Variants in TRAM2 observed in about 807,000 individuals in gnomAD.
The protein encoded by TRAM2 is translocation associated membrane protein 2, also known as translocating chain-associated membrane protein 2.
A neutral mutation model predicts 51.0 loss-of-function variants in TRAM2; 12 were observed. That is an observed-to-expected ratio of 0.24 (90% confidence interval 0.15 to 0.38). TRAM2 has a LOEUF of 0.38. Ranked by LOEUF, TRAM2 falls within the 10% of genes least tolerant of loss-of-function variation. TRAM2 has a pLI of 1.00. For synonymous variants in TRAM2, 175 were observed against 179.4 expected (o/e 0.98, Z 0.20); for missense variants, 361 against 462.0 (o/e 0.78, Z 2.00).
At chr6:52,521,589 C>T (rs1302845108) in intron 2 of TRAM2, among the ~76,000 whole-genome samples, 2 of 151,580 alleles carry the variant, frequency 1.3e-5, no homozygotes. Flanking sequence ...CCCAGCTACT[C>T]GGGAGGCTGA....
At chr6:52,576,381 G>A (rs1244009983) in intron 1 of TRAM2, among the ~76,000 whole-genome samples, 1 of 152,206 alleles carries the variant, frequency 6.6e-6, no homozygotes, top group East Asian at 1.9e-4. Context: ...AAGAGCTAGT[G>A]GCCACCCCTT....
chr6:52,513,686 G>T (rs954581155), intron 4 of TRAM2, among the ~76,000 whole-genome samples: 2 of 152,170 alleles, frequency 1.3e-5, no homozygotes, highest in African/African-American at 2.4e-5. Context: ...AAGTGGGGGT[G>T]TGGCCAGTGA....
intron 2 of TRAM2, among the ~76,000 whole-genome samples, chr6:52,526,637 C>A (rs1159455519): frequency 6.6e-6 from 1 of 152,214 alleles, no homozygotes; most frequent in Non-Finnish European, 1.5e-5. Flanking sequence ...GATCTGCTCA[C>A]CTCGGCCTCC....
rs1277032863 is a variant in TRAM2 at position 52,499,711 on chromosome 6, G to A, written c.*3486C>T. ...GTCCCAGGGTTTCCGGTCAAGAGAA[G>A]GATCTGTGAACGTGGCCAGGGCAGA... On this transcript the variant is annotated 3_prime_UTR_variant, in exon 11 of 11. Coordinates refer to ENST00000182527, the MANE Select transcript of TRAM2 (RefSeq NM_012288.4). The A allele has an allele frequency of 1.3e-5, 2 of 152,254 alleles. No individual in the cohort carries two copies. The highest frequency in any genetic ancestry group is 3.8e-4 in the East Asian group (2 of 5,196). The allele number at this position is 152,254 out of a possible 1,614,324, so 9.4% of individuals were successfully genotyped here. A position where few individuals can be genotyped will look rare whatever the true frequency, so the allele number is the denominator to read the frequency against.
chr6:52,511,206 C>T (rs930431746), intron 4 of TRAM2, among the ~76,000 whole-genome samples: 1 of 152,172 alleles, frequency 6.6e-6, no homozygotes, highest in East Asian at 1.9e-4. Flanking sequence ...CAGGTTCAAG[C>T]GATTCTCCCG....
At chr6:52,525,374 T>C (rs1464119033) in intron 2 of TRAM2, among the ~76,000 whole-genome samples, 1 of 152,266 alleles carries the variant, frequency 6.6e-6, no homozygotes, top group East Asian at 1.9e-4. Context: ...TCCAGGCTGC[T>C]GGCCTACTCC....
At chr6:52,522,654 G>T (rs1766698651) in intron 2 of TRAM2, among the ~76,000 whole-genome samples, 1 of 152,176 alleles carries the variant, frequency 6.6e-6, no homozygotes, top group African/African-American at 2.4e-5. Context: ...TTGGGAAAAA[G>T]CACCTTCAAT....
chr6:52,523,049 C>G, intron 2 of TRAM2: 2 of 561,244 alleles, frequency 3.6e-6, no homozygotes, highest in Non-Finnish European at 6.3e-6. Flanking sequence ...GGCATCTGCC[C>G]TAGAAGCTTC....
At chr6:52,543,699 G>A (rs567315134) in intron 1 of TRAM2, among the ~76,000 whole-genome samples, 20 of 152,222 alleles carry the variant, frequency 1.3e-4, no homozygotes, top group African/African-American at 4.1e-4. Flanking sequence ...TTTTCGCTCC[G>A]TAAGACAGAA....
In TRAM2 at chr6:52,501,822, G is replaced by T. The variant is rs977657911; in HGVS notation, c.*1375C>A. 6.6e-6 allele frequency: 1 copy of T among 152,222 alleles called. No individual in the cohort carries two copies. Among genetic ancestry groups the T allele is most frequent in the African/African-American group, 2.4e-5 (1 of 41,432 alleles). The allele number at this position is 152,222 out of a possible 1,614,324, so 9.4% of individuals were successfully genotyped here. ...ACCTCCCAAAGTGCTGGGATAACAG[G>T]CGTAAGCTACTGCGTCCGGCCGTAA... On this transcript the variant is annotated 3_prime_UTR_variant, in exon 11 of 11. Coordinates refer to ENST00000182527, the MANE Select transcript of TRAM2 (RefSeq NM_012288.4).
intron 1 of TRAM2, among the ~76,000 whole-genome samples, chr6:52,563,494 C>T (rs904323797): frequency 2.0e-5 from 3 of 151,522 alleles, no homozygotes; most frequent in African/African-American, 7.3e-5. Context: ...CTGAGGTGGG[C>T]GGATCACGAG....
At chr6:52,512,171 G>A (rs2114066045) in intron 4 of TRAM2, among the ~76,000 whole-genome samples, 1 of 152,280 alleles carries the variant, frequency 6.6e-6, no homozygotes, top group East Asian at 1.9e-4. Context: ...AGGTGGGAGA[G>A]AAAGTTTTGC....
intron 2 of TRAM2, among the ~76,000 whole-genome samples, chr6:52,526,872 G>A (rs1183075770): frequency 5.3e-5 from 8 of 152,168 alleles, no homozygotes; most frequent in Non-Finnish European, 8.8e-5. Context: ...TCCATAGGCT[G>A]CCTCACGTGA....
chr6:52,504,906 T>C, intron 9 of TRAM2, 152 bp from the exon 10 acceptor site: 1 of 655,400 alleles, frequency 1.5e-6, no homozygotes, highest in Non-Finnish European at 2.6e-6. Context: ...ACCACCACTA[T>C]CACCAGGAAG....
In TRAM2 at chr6:52,503,144, T is replaced by C. The variant is rs1431712663; in HGVS notation, c.*53A>G. The C allele has an allele frequency of 6.8e-7, 1 of 1,475,666 alleles. No individual in the cohort carries two copies. Among genetic ancestry groups the C allele is most frequent in the Non-Finnish European group, 9.5e-7 (1 of 1,055,262 alleles). The allele number at this position is 1,475,666 out of a possible 1,614,324, so 91.4% of individuals were successfully genotyped here. On this transcript the variant is annotated 3_prime_UTR_variant, in exon 11 of 11. Transcript: ENST00000182527. Reference sequence around the variant, plus strand: ...GAGGCAGGGAGGGGGCCTGGGCTCCTTGCCCCCTGCTCGGCCCCCACCAAG... The same window carrying C: ...GAGGCAGGGAGGGGGCCTGGGCTCCCTGCCCCCTGCTCGGCCCCCACCAAG...
chr6:52,559,872 T>A (rs992178977), intron 1 of TRAM2, among the ~76,000 whole-genome samples: 10 of 152,228 alleles, frequency 6.6e-5, no homozygotes, highest in Non-Finnish European at 5.9e-5. Context: ...AAGTTTTTTT[T>A]TCCCCCAAAA....
At chr6:52,532,703 A>G (rs1488737569) in intron 2 of TRAM2, among the ~76,000 whole-genome samples, 2 of 152,228 alleles carry the variant, frequency 1.3e-5, no homozygotes, top group Admixed American at 6.5e-5. Context: ...CTGATTGGAT[A>G]ATTTGTGGTA....
At chr6:52,512,537 A>G (rs1358655028) in intron 4 of TRAM2, among the ~76,000 whole-genome samples, 1 of 152,214 alleles carries the variant, frequency 6.6e-6, no homozygotes, top group Non-Finnish European at 1.5e-5. Flanking sequence ...ACCTGAGTCC[A>G]CAGGGGGCTG....
chr6:52,518,121 A>G (rs1468636451), intron 2 of TRAM2, among the ~76,000 whole-genome samples: 1 of 152,234 alleles, frequency 6.6e-6, no homozygotes, highest in African/African-American at 2.4e-5. Context: ...ACAGACGGGC[A>G]GCGCTCCTGA....
Sources: allele counts gnomAD v4.1 joint callset (sites outside exome capture counted in the v4.1 genomes callset), GRCh38; gene constraint gnomAD v4.1.1; transcripts MANE v1.5; gene names NCBI Gene and HGNC (gene_info 2026-07-23, HGNC 2026-07-21).